Variants in UNC5B observed in about 807,000 individuals in gnomAD.
UNC5B encodes the protein netrin receptor UNC5B.
A neutral mutation model predicts 103.7 loss-of-function variants in UNC5B; 56 were observed. That is an observed-to-expected ratio of 0.54 (90% CI 0.44 to 0.67). The LOEUF (loss-of-function observed/expected upper bound fraction) is 0.67, where lower values mean the gene tolerates loss of function less well. UNC5B is among the 30% of genes least tolerant of loss of function. The probability of loss-of-function intolerance (pLI) is 0.00; values close to 1 mark genes in which losing one functional copy is unlikely to be tolerated. For synonymous variants in UNC5B, 577 were observed against 542.0 expected, an observed-to-expected ratio of 1.06 and a Z score of -0.90; for missense variants, 1,194 against 1,284.5, an observed-to-expected ratio of 0.93 and a Z score of 1.08.
chr10:71,253,897 G>C (rs1844232059), intron 1 of UNC5B, among the ~76,000 whole-genome samples: 1 of 152,122 alleles, frequency 6.6e-6, no homozygotes, highest in Non-Finnish European at 1.5e-5. Context: ...TCGCTGCAAG[G>C]TGGAGGGTCC....
chr10:71,299,977 G>C lies in UNC5B; in HGVS notation c.*700G>C, dbSNP rs1476202606. The C allele has an allele frequency of 6.6e-6, 1 of 152,132 alleles. No homozygotes were observed. Among genetic ancestry groups the C allele is most frequent in the African/African-American group, 2.4e-5 (1 of 41,396 alleles). 9.4% of individuals were successfully genotyped at this position (152,132 alleles called of 1,614,324 possible). A position where few individuals can be genotyped will look rare whatever the true frequency, so the allele number is the denominator to read the frequency against. On this transcript the variant is annotated 3_prime_UTR_variant, in exon 17 of 17. Coordinates refer to ENST00000335350, the MANE Select transcript of UNC5B (RefSeq NM_170744.5). ...AAAAAAAATAGAAAACTCTTTTCTT[G>C]AGTGTGGATGAGAATGGGCACGCTC...
intron 1 of UNC5B, among the ~76,000 whole-genome samples, chr10:71,225,994 C>T (rs1057184743): frequency 6.6e-6 from 1 of 152,238 alleles, no homozygotes; most frequent in African/African-American, 2.4e-5. Context: ...GAGTCTCCTC[C>T]TCCCCACCCC....
intron 1 of UNC5B, among the ~76,000 whole-genome samples, chr10:71,226,489 CATG>C (rs780061729): frequency 4.6e-5 from 7 of 152,258 alleles, no homozygotes; most frequent in African/African-American, 7.2e-5. Context: ...TTGCTGGCTG[CATG>C]ATGTTTGCCA....
intron 1 of UNC5B, among the ~76,000 whole-genome samples, chr10:71,256,012 G>T (rs1366293491): frequency 1.3e-5 from 2 of 152,218 alleles, no homozygotes; most frequent in African/African-American, 4.8e-5. Context: ...CGGTTGGGCG[G>T]GGGCATGTTC....
chr10:71,251,513 C>G (rs1387961009), intron 1 of UNC5B, among the ~76,000 whole-genome samples: 1 of 152,194 alleles, frequency 6.6e-6, no homozygotes, highest in African/African-American at 2.4e-5. Context: ...GAGCGATTTT[C>G]CATTTGCTCC....
chr10:71,231,127 T>TATA (rs1472607319), intron 1 of UNC5B, among the ~76,000 whole-genome samples: 1 of 152,204 alleles, frequency 6.6e-6, no homozygotes, highest in African/African-American at 2.4e-5. Context: ...ATGAAAGCTA[T>TATA]ATAAGCTGTG....
intron 1 of UNC5B, among the ~76,000 whole-genome samples, chr10:71,244,739 G>A (rs900526634): frequency 6.6e-6 from 1 of 152,238 alleles, no homozygotes; most frequent in Non-Finnish European, 1.5e-5. Flanking sequence ...ATCTGCAGCC[G>A]CTGCCAGCAA....
chr10:71,259,637 C>G (rs966522196), intron 1 of UNC5B, among the ~76,000 whole-genome samples: 1 of 152,154 alleles, frequency 6.6e-6, no homozygotes, highest in African/African-American at 2.4e-5. Flanking sequence ...AGGCCCTGTG[C>G]TTGATACATT....
At chr10:71,245,879 C>T (rs1235726807) in intron 1 of UNC5B, among the ~76,000 whole-genome samples, 1 of 152,220 alleles carries the variant, frequency 6.6e-6, no homozygotes, top group African/African-American at 2.4e-5. Flanking sequence ...ATCGTATCAG[C>T]TCTGTTGGTC....
chr10:71,273,833 G>T (rs992355559), intron 1 of UNC5B, among the ~76,000 whole-genome samples: 8 of 152,202 alleles, frequency 5.3e-5, no homozygotes, highest in Non-Finnish European at 1.2e-4. Context: ...AAACAGACTT[G>T]CCAGAAGCAG....
chr10:71,215,125 C>T (rs1815732951), intron 1 of UNC5B, among the ~76,000 whole-genome samples: 1 of 152,208 alleles, frequency 6.6e-6, no homozygotes, highest in South Asian at 2.1e-4. Context: ...TCTAATGCCA[C>T]AGGCACAGAG....
Position 71,298,018 on chromosome 10 carries a change from G to A in UNC5B, c.2600G>A (p.Cys867Tyr). The stretch of plus-strand genomic sequence containing the variant: ...CCACTGTCCATCCGCCAGAAGATAT[G>A]CAACAGCCTAGATGCCCCCAACTCA... ...KIPLSIRQKI[C>Y]NSLDAPNSRG... Residue 867 changes from cysteine (C) to tyrosine (Y), a missense_variant, in exon 16 of 17, where the codon TGC (cysteine) becomes TAC (tyrosine). By Grantham distance (194) the Cys-to-Tyr change is radical. Coordinates refer to ENST00000335350, the MANE Select transcript of UNC5B (RefSeq NM_170744.5). The A allele has an allele frequency of 6.2e-7, 1 of 1,613,918 alleles. No individual in the cohort carries two copies. The highest frequency in any genetic ancestry group is 8.5e-7 in the Non-Finnish European group (1 of 1,180,028).
intron 15 of UNC5B, among the ~76,000 whole-genome samples, chr10:71,297,362 G>A (rs1472350800): frequency 6.6e-6 from 1 of 152,256 alleles, no homozygotes; most frequent in African/African-American, 2.4e-5. Context: ...CAGTACACCA[G>A]TGGCAAGACT....
At chr10:71,266,667 G>A (rs1003297622) in intron 1 of UNC5B, among the ~76,000 whole-genome samples, 1 of 152,226 alleles carries the variant, frequency 6.6e-6, no homozygotes, top group Non-Finnish European at 1.5e-5. Context: ...GGCAGGGGTG[G>A]AGGTGAGGTG....
intron 1 of UNC5B, among the ~76,000 whole-genome samples, chr10:71,234,061 G>T (rs1332595435): frequency 1.3e-5 from 2 of 152,330 alleles, no homozygotes; most frequent in East Asian, 1.9e-4. Context: ...AAGTTTCTCA[G>T]GGGCAGAGCC....
At chr10:71,288,815 G>A in intron 7 of UNC5B, 83 bp downstream of exon 7, 1 of 1,546,120 alleles carries the variant, frequency 6.5e-7, no homozygotes, top group Admixed American at 1.9e-5. Context: ...CCATGCCTCA[G>A]TGCCCAGCCT....
At chr10:71,240,382 T>A (rs772732390) in intron 1 of UNC5B, among the ~76,000 whole-genome samples, 1 of 152,236 alleles carries the variant, frequency 6.6e-6, no homozygotes, top group Admixed American at 6.5e-5. Context: ...CTTCTCCCAG[T>A]AGGGGGGACC....
At chr10:71,259,083 C>CCATT (rs1844355851) in intron 1 of UNC5B, among the ~76,000 whole-genome samples, 1 of 152,186 alleles carries the variant, frequency 6.6e-6, no homozygotes, top group Non-Finnish European at 1.5e-5. Flanking sequence ...TGAAGTATGG[C>CCATT]CATTCATTAG....
At chr10:71,246,073 C>T (rs1844026390) in intron 1 of UNC5B, among the ~76,000 whole-genome samples, 1 of 152,008 alleles carries the variant, frequency 6.6e-6, no homozygotes, top group Non-Finnish European at 1.5e-5. Context: ...TCAGGCTGTC[C>T]TCAGGCAGCT....
Sources: gnomAD v4.1 joint callset for allele counts (sites outside exome capture counted in the v4.1 genomes callset) on GRCh38, gnomAD v4.1.1 for gene constraint, MANE v1.5 for transcripts, NCBI Gene and HGNC (gene_info 2026-07-23, HGNC 2026-07-21) for gene names.